Variants in VPS13B observed in about 807,000 individuals in gnomAD.
VPS13B encodes the protein vacuolar protein sorting 13 homolog B.
VPS13B carries 285 observed loss-of-function variants against 426.4 expected under a neutral mutation model. The ratio of observed to expected loss-of-function variants is 0.67; its 90% CI spans 0.61 to 0.74. The LOEUF is 0.74. Ranked by LOEUF, VPS13B falls within the 30% of genes least tolerant of loss-of-function variation. The pLI is 0.00. For missense variants in VPS13B, 4,537 were observed against 4,782.6 expected, an observed-to-expected ratio of 0.95 and a Z score of 1.51; for synonymous variants, 1,676 against 1,676.4, an observed-to-expected ratio of 1.00 and a Z score of 0.01.
chr8:99,165,915 T>C (rs1811976430), intron 15 of VPS13B, among the ~76,000 whole-genome samples: 1 of 152,210 alleles, frequency 6.6e-6, no homozygotes, highest in South Asian at 2.1e-4. Flanking sequence ...AAATGTTGAG[T>C]TTATAATATT....
chr8:99,274,415 A>G (rs1818787167), intron 18 of VPS13B, 83 bp downstream of exon 18: 4 of 1,597,006 alleles, frequency 2.5e-6, no homozygotes, highest in Non-Finnish European at 3.4e-6. Flanking sequence ...TTACTGAAAC[A>G]AGAATTTACT....
chr8:99,294,664 CTG>C (rs1175251292), intron 19 of VPS13B, among the ~76,000 whole-genome samples: 3 of 152,112 alleles, frequency 2.0e-5, no homozygotes, highest in African/African-American at 7.2e-5. Context: ...AGCTGTTACT[CTG>C]GAATTCTAAT....
intron 25 of VPS13B, among the ~76,000 whole-genome samples, chr8:99,493,379 A>G (rs1304638154): frequency 4.6e-5 from 7 of 152,310 alleles, no homozygotes; most frequent in African/African-American, 9.6e-5. Flanking sequence ...TAATCACTGT[A>G]TATTTCCATG....
intron 51 of VPS13B, among the ~76,000 whole-genome samples, chr8:99,831,777 C>G (rs1815076363): frequency 6.6e-6 from 1 of 152,182 alleles, no homozygotes; most frequent in South Asian, 2.1e-4. Context: ...TTAAGTTATA[C>G]TGTAGGATGG....
rs147618229 is a variant in VPS13B at position 99,081,442 on chromosome 8, T to C, written c.292-14870T>C. 5.8e-3 allele frequency among the ~76,000 whole-genome samples: 887 copies of C among 152,334 alleles called. 7 individuals carry two copies. The highest frequency in any genetic ancestry group is 9.9e-3 in the Non-Finnish European group (676 of 68,024). ...GCTTCAAAGATTACTTTTTTTATTA[T>C]ACTTTAAGTTTTAGGGTACACGTGC... On this transcript the variant is annotated intron_variant, in intron 3 of 61. Coordinates refer to ENST00000357162, the MANE Select transcript of VPS13B (RefSeq NM_152564.5).
At chr8:99,645,358 CA>C (rs1375308702) in intron 34 of VPS13B, among the ~76,000 whole-genome samples, 1 of 152,118 alleles carries the variant, frequency 6.6e-6, no homozygotes, top group African/African-American at 2.4e-5. Context: ...CCTAGGCCCT[CA>C]AAAATGTGTG....
At chr8:99,323,857 T>C (rs1456738392) in intron 19 of VPS13B, among the ~76,000 whole-genome samples, 1 of 152,218 alleles carries the variant, frequency 6.6e-6, no homozygotes, top group Non-Finnish European at 1.5e-5. Flanking sequence ...GAGTTAGTGA[T>C]TTATTGAATA....
intron 33 of VPS13B, among the ~76,000 whole-genome samples, chr8:99,633,806 GGT>G (rs139474452): frequency 1.3e-3 from 191 of 143,948 alleles, no homozygotes; most frequent in African/African-American, 4.3e-3. Context: ...GAATGTGTCA[GGT>G]GTGTGTGTGT....
At chr8:99,824,905 A>T (rs1157685985) in intron 51 of VPS13B, among the ~76,000 whole-genome samples, 2 of 152,056 alleles carry the variant, frequency 1.3e-5, no homozygotes, top group Non-Finnish European at 2.9e-5. Context: ...AAGGACATGA[A>T]CTCATTCTTT....
At chr8:99,084,613 A>C (rs896674583) in intron 3 of VPS13B, among the ~76,000 whole-genome samples, 3 of 152,034 alleles carry the variant, frequency 2.0e-5, no homozygotes, top group Non-Finnish European at 2.9e-5. Context: ...TTCCCTCTAC[A>C]CACTGCTTTG....
chr8:99,271,467 G>A (rs1159678569), intron 17 of VPS13B, among the ~76,000 whole-genome samples: 1 of 152,076 alleles, frequency 6.6e-6, no homozygotes, highest in Non-Finnish European at 1.5e-5. Context: ...ACTTCAAATG[G>A]ACACAATTCA....
intron 34 of VPS13B, among the ~76,000 whole-genome samples, chr8:99,659,057 A>G (rs1830124902): frequency 1.3e-5 from 2 of 150,816 alleles, no homozygotes. Context: ...CTGATCTCAA[A>G]CTCCTGGGTT....
At chr8:99,592,997 G>A (rs1275120270) in intron 33 of VPS13B, among the ~76,000 whole-genome samples, 1 of 152,122 alleles carries the variant, frequency 6.6e-6, no homozygotes, top group East Asian at 1.9e-4. Context: ...TCAGGACATA[G>A]GCATGGGCAA....
At position 99,507,784 on chromosome 8, in the gene VPS13B, G is replaced by A. The variant is rs1192215872; in HGVS notation, c.4224+581G>A. ...ATCACTTCAAGCCTTGGGGAAGAGT[G>A]TTGGTCTTTGGGGCAATGTGGAGGT... On this transcript the variant is annotated intron_variant, in intron 28 of 61. Coordinates refer to ENST00000357162, the MANE Select transcript of VPS13B (RefSeq NM_152564.5). The A allele has an allele frequency of 6.2e-7, 1 of 1,614,030 alleles. No individual in the cohort carries two copies. Among genetic ancestry groups the A allele is most frequent in the Non-Finnish European group, 8.5e-7 (1 of 1,179,954 alleles).
In VPS13B at chr8:99,090,776, T is replaced by C. The variant is rs559150677; in HGVS notation, c.292-5536T>C. Among the ~76,000 whole-genome samples, 21 of 152,336 alleles carry C rather than the reference T, an allele frequency of 1.4e-4. 1 individual carries two copies. The South Asian group carries it at 4.4e-3, about 32-fold the overall frequency. On this transcript the variant is annotated intron_variant, in intron 3 of 61. Transcript: ENST00000357162. Reference sequence around the variant, plus strand: ...ACAAAGTGCAGTTAAATTAATCTGTTCAATAACCCAGTTCCCCCCAGTGAA... The same window carrying C: ...ACAAAGTGCAGTTAAATTAATCTGTCCAATAACCCAGTTCCCCCCAGTGAA...
At chr8:99,076,612 C>CT (rs71273161) in intron 3 of VPS13B, among the ~76,000 whole-genome samples, 115,162 of 139,728 alleles carry the variant, frequency 0.82, 47,658 homozygotes, top group South Asian at 0.88. Flanking sequence ...ATGACTTTGT[C>CT]TTTTTTTTTT....
At chr8:99,586,026 C>T (rs1826283283) in intron 33 of VPS13B, among the ~76,000 whole-genome samples, 2 of 152,140 alleles carry the variant, frequency 1.3e-5, no homozygotes, top group African/African-American at 4.8e-5. Flanking sequence ...CCTCCTGCTG[C>T]CCTCTGTGAG....
chr8:99,210,945 G>A (rs751851582), intron 17 of VPS13B, among the ~76,000 whole-genome samples: 3 of 152,076 alleles, frequency 2.0e-5, no homozygotes, highest in Admixed American at 6.6e-5. Flanking sequence ...TTGGTATGGC[G>A]TTCTTGGGCT....
intron 36 of VPS13B, among the ~76,000 whole-genome samples, chr8:99,715,672 T>C (rs551806697): frequency 6.6e-6 from 1 of 152,264 alleles, no homozygotes; most frequent in African/African-American, 2.4e-5. Flanking sequence ...TATGTCACTG[T>C]GGGGTTGTAC....
Sources: allele counts gnomAD v4.1 joint callset (sites outside exome capture counted in the v4.1 genomes callset), GRCh38; gene constraint gnomAD v4.1.1; transcripts MANE v1.5; gene names NCBI Gene and HGNC (gene_info 2026-07-23, HGNC 2026-07-21).